Variants in SEL1L3 observed in about 807,000 individuals in gnomAD.
The protein encoded by SEL1L3 is protein sel-1 homolog 3.
SEL1L3 carries 76 observed loss-of-function variants against 142.8 expected under a neutral mutation model. The ratio of observed to expected loss-of-function variants is 0.53; its 90% CI spans 0.44 to 0.64. The LOEUF (loss-of-function observed/expected upper bound fraction) is 0.64. SEL1L3 is among the 30% of genes least tolerant of loss of function. The pLI, the probability that SEL1L3 is intolerant of heterozygous loss-of-function variation, is 0.00. For synonymous variants in SEL1L3, 504 were observed against 519.6 expected (o/e 0.97, Z 0.41); for missense variants, 1,262 against 1,381.7 (o/e 0.91, Z 1.37).
intron 16 of SEL1L3, 79 bp downstream of exon 16, chr4:25,778,997 C>G: frequency 7.5e-7 from 1 of 1,326,854 alleles, no homozygotes; most frequent in East Asian, 2.5e-5. Context: ...AAATAAAGAA[C>G]TCAACTTAAA....
In SEL1L3 at chr4:25,843,869, G is replaced by C. The variant is rs938876808; in HGVS notation, c.733+3425C>G. 2.6e-5 allele frequency among the ~76,000 whole-genome samples: 4 copies of C among 152,380 alleles called. No homozygotes were observed. In the South Asian group the frequency reaches 8.3e-4, roughly 32 times the overall value. On this transcript the variant is annotated intron_variant, in intron 2 of 23. Coordinates refer to ENST00000399878, the MANE Select transcript of SEL1L3 (RefSeq NM_015187.5). ...AAGGAGATAAGCTGCTGAGAGCCGTGTCTGGACACACGTGGCCCTCGCCTC... is the reference window on the plus strand; with the variant it reads ...AAGGAGATAAGCTGCTGAGAGCCGTCTCTGGACACACGTGGCCCTCGCCTC...
At chr4:25,738,768 A>G in the SEL1L3 span, among the ~76,000 whole-genome samples, 19 of 152,174 alleles carry the variant, frequency 1.2e-4, no homozygotes, top group East Asian at 9.7e-4. Flanking sequence ...TTATTTTAAT[A>G]TTTTTCCTTT....
intron 11 of SEL1L3, among the ~76,000 whole-genome samples, chr4:25,793,513 T>C (rs60402186): frequency 0.21 from 31,354 of 151,960 alleles, 3,338 homozygotes; most frequent in Admixed American, 0.3. Flanking sequence ...CTTGAACTCC[T>C]GGGCTCAAAC....
chr4:25,809,856 C>T (rs1713899204), intron 9 of SEL1L3, among the ~76,000 whole-genome samples: 1 of 152,198 alleles, frequency 6.6e-6, no homozygotes, highest in East Asian at 1.9e-4. Flanking sequence ...TATTATGTAA[C>T]ATAGTTGTAT....
intron 13 of SEL1L3, among the ~76,000 whole-genome samples, chr4:25,787,282 T>G (rs779945068): frequency 1.3e-5 from 2 of 152,230 alleles, no homozygotes; most frequent in Non-Finnish European, 2.9e-5. Context: ...CACTAATACA[T>G]GCAAAGCAGG....
intron 9 of SEL1L3, 142 bp downstream of exon 9, chr4:25,817,996 A>G: frequency 2.4e-6 from 2 of 845,540 alleles, no homozygotes; most frequent in Non-Finnish European, 3.6e-6. Flanking sequence ...ATACAAAGGC[A>G]GAATTTAAAT....
At chr4:25,749,788 C>T (rs1364620422) in intron 23 of SEL1L3, among the ~76,000 whole-genome samples, 1 of 152,118 alleles carries the variant, frequency 6.6e-6, no homozygotes, top group Non-Finnish European at 1.5e-5. Flanking sequence ...GCCCATGGGC[C>T]AAACGTAGTC....
intron 1 of SEL1L3, among the ~76,000 whole-genome samples, chr4:25,858,479 G>A (rs949732592): frequency 6.6e-6 from 1 of 152,202 alleles, no homozygotes; most frequent in African/African-American, 2.4e-5. Context: ...AGGGAATCCT[G>A]TACAAGGCTC....
At position 25,790,497 on chromosome 4, in the gene SEL1L3, C is replaced by T. The variant is rs755572413; in HGVS notation, c.2034G>A (p.Met678Ile). The T allele has an allele frequency of 9.3e-6, 15 of 1,613,722 alleles. No homozygotes were observed. The South Asian group carries it at 1.4e-4, about 15-fold the overall frequency. The change falls in exon 12 of 24, where the codon ATG becomes ATA. Residue 678 changes from methionine to isoleucine, a missense_variant. Physicochemically the swap from Met to Ile is conservative, Grantham distance 10. This residue lies in a region of SEL1L3 where 435 missense variants were observed against 559.2 expected (regional missense o/e 0.78). Transcript: ENST00000399878. ...CTCGGGTAGCTTCATGCTTCAACCA[C>T]ATAAAGACATCTCCATCTTCTTTGG... ...VQTKEDGDVF[M>I]WLKHEATRGN... is the part of the protein sequence containing the mutation.
intron 8 of SEL1L3, among the ~76,000 whole-genome samples, chr4:25,819,369 G>C (rs1714605827): frequency 6.6e-6 from 1 of 152,170 alleles, no homozygotes; most frequent in Admixed American, 6.5e-5. Context: ...AAACAACAAA[G>C]TCACCATTCA....
intron 2 of SEL1L3, 66 bp from the exon 3 acceptor site, chr4:25,835,389 C>G: frequency 1.3e-6 from 2 of 1,569,688 alleles, no homozygotes; most frequent in Non-Finnish European, 1.7e-6. Flanking sequence ...AAACCACATT[C>G]ATCCTGAAAG....
At chr4:25,841,018 CTTTTT>C (rs574751879) in intron 2 of SEL1L3, among the ~76,000 whole-genome samples, 2 of 146,302 alleles carry the variant, frequency 1.4e-5, no homozygotes, top group Non-Finnish European at 3.0e-5. Flanking sequence ...TCTTTCATTC[CTTTTT>C]TTTTTTTCCT....
At chr4:25,822,697 G>A (rs112373064) in intron 6 of SEL1L3, among the ~76,000 whole-genome samples, 21 of 152,324 alleles carry the variant, frequency 1.4e-4, no homozygotes, top group East Asian at 7.7e-4. Flanking sequence ...GGGTTTGGCC[G>A]GAGATGAGAG....
the SEL1L3 span, among the ~76,000 whole-genome samples, chr4:25,736,377 C>A: frequency 6.6e-6 from 1 of 151,882 alleles, no homozygotes; most frequent in Non-Finnish European, 1.5e-5. Context: ...CGGCTCACCA[C>A]CACGCCTAGC....
the SEL1L3 span, among the ~76,000 whole-genome samples, chr4:25,728,924 C>T: frequency 0.17 from 25,179 of 151,412 alleles, 2,934 homozygotes; most frequent in African/African-American, 0.34. Context: ...CAGACTCTTA[C>T]TGGCCAAGGA....
intron 11 of SEL1L3, among the ~76,000 whole-genome samples, chr4:25,791,905 T>G (rs1161602699): frequency 1.3e-5 from 2 of 148,192 alleles, no homozygotes; most frequent in East Asian, 3.9e-4. Context: ...AGAGCGAGAC[T>G]CAGTCTAAAA....
intron 23 of SEL1L3, among the ~76,000 whole-genome samples, chr4:25,753,372 C>T (rs1717726132): frequency 6.6e-6 from 1 of 152,228 alleles, no homozygotes; most frequent in African/African-American, 2.4e-5. Flanking sequence ...AATCCTCACC[C>T]AAAGCTGCTG....
downstream of SEL1L3, among the ~76,000 whole-genome samples, chr4:25,743,563 C>T (rs926500398): frequency 5.3e-5 from 8 of 152,234 alleles, no homozygotes; most frequent in Middle Eastern, 3.4e-3. Flanking sequence ...ATATGTAAGA[C>T]GAACACTGGT....
At chr4:25,826,450 T>G (rs933552625) in intron 6 of SEL1L3, among the ~76,000 whole-genome samples, 26 of 152,176 alleles carry the variant, frequency 1.7e-4, no homozygotes, top group African/African-American at 6.0e-4. Context: ...TGATGTTTAG[T>G]TCACTGACTT....
Sources: allele counts gnomAD v4.1 joint callset (sites outside exome capture counted in the v4.1 genomes callset), GRCh38; gene constraint gnomAD v4.1.1; regional missense constraint gnomAD v4.1.1; transcripts MANE v1.5; gene names NCBI Gene and HGNC (gene_info 2026-07-23, HGNC 2026-07-21).